EMB: variants seen among roughly 807,000 people sequenced by gnomAD.
EMB encodes embigin homolog.
In EMB, 31 loss-of-function variants were observed where a neutral mutation model predicts 41.4. The ratio of observed to expected loss-of-function variants is 0.75; its 90% CI spans 0.56 to 1.01. The LOEUF (loss-of-function observed/expected upper bound fraction) is 1.01, where lower values mean the gene tolerates loss of function less well. Among genes scored for constraint, EMB ranks in the 50% least tolerant of loss-of-function variants. The pLI is 0.00. For missense variants in EMB, 379 were observed against 388.3 expected (o/e 0.98, Z 0.20); for synonymous variants, 137 against 140.4 (o/e 0.98, Z 0.17).
chr5:50,425,660 G>T (rs543618341), intron 2 of EMB, among the ~76,000 whole-genome samples: 1 of 151,452 alleles, frequency 6.6e-6, no homozygotes, highest in Admixed American at 6.6e-5. Context: ...TTTCAGTCAA[G>T]TCAATTACTT....
At chr5:50,439,641 G>T (rs192638677) in intron 1 of EMB, among the ~76,000 whole-genome samples, 2 of 152,204 alleles carry the variant, frequency 1.3e-5, no homozygotes, top group African/African-American at 4.8e-5. Context: ...TTATGGAAAA[G>T]AGATGTGGCA....
chr5:50,436,005 G>A (rs576920209), intron 1 of EMB, among the ~76,000 whole-genome samples: 18 of 152,036 alleles, frequency 1.2e-4, no homozygotes, highest in African/African-American at 4.3e-4. Flanking sequence ...TCCCACACTA[G>A]CCCTGAAATC....
intron 2 of EMB, among the ~76,000 whole-genome samples, chr5:50,423,861 AACTGGCAGGAAAC>A (rs1745566487): frequency 6.6e-6 from 1 of 152,244 alleles, no homozygotes; most frequent in South Asian, 2.1e-4. Flanking sequence ...CATTATTTTT[AACTGGCAGGAAAC>A]ACTGGGAATC....
chr5:50,421,450 C>A (rs984689477), intron 2 of EMB, among the ~76,000 whole-genome samples: 1 of 152,054 alleles, frequency 6.6e-6, no homozygotes, highest in Non-Finnish European at 1.5e-5. Context: ...GTTGGTGGGA[C>A]TGTAAACTAG....
chr5:50,418,992 T>C (rs142032126), intron 2 of EMB, among the ~76,000 whole-genome samples: 124 of 152,310 alleles, frequency 8.1e-4, no homozygotes, highest in African/African-American at 3.0e-3. Context: ...AGCTCACAAA[T>C]ATCTAGAACA....
intron 2 of EMB, among the ~76,000 whole-genome samples, chr5:50,420,656 C>T (rs914002371): frequency 7.2e-5 from 11 of 152,206 alleles, no homozygotes; most frequent in Non-Finnish European, 1.5e-4. Context: ...GAAACATACA[C>T]TGTATGACAT....
chr5:50,402,229 TTA>T, intron 7 of EMB, 55 bp downstream of exon 7: 2 of 1,531,880 alleles, frequency 1.3e-6, no homozygotes, highest in South Asian at 1.1e-5. Flanking sequence ...TCATTCAATT[TTA>T]TGTTTCCCTG....
chr5:50,419,546 C>G (rs1300634132), intron 2 of EMB, among the ~76,000 whole-genome samples: 1 of 140,488 alleles, frequency 7.1e-6, no homozygotes, highest in Non-Finnish European at 1.5e-5. Flanking sequence ...TACACACACA[C>G]ATACACACAC....
At chr5:50,399,701 C>G (rs1745128723) in intron 8 of EMB, among the ~76,000 whole-genome samples, 158 bp downstream of exon 8, 1 of 151,838 alleles carries the variant, frequency 6.6e-6, no homozygotes, top group Admixed American at 6.6e-5. Context: ...TATAACTATA[C>G]TGTATATTTT....
intron 2 of EMB, among the ~76,000 whole-genome samples, chr5:50,424,704 C>T (rs539916293): frequency 1.9e-4 from 29 of 152,212 alleles, no homozygotes; most frequent in African/African-American, 6.3e-4. Flanking sequence ...GAATGTTTGA[C>T]AATATCTGGA....
intron 5 of EMB, 70 bp from the exon 6 acceptor site, chr5:50,403,524 T>G (rs568442215): frequency 1.3e-6 from 2 of 1,506,600 alleles, no homozygotes; most frequent in African/African-American, 1.4e-5. Context: ...AGTTTTTCAG[T>G]GAAAGCTATA....
chr5:50,433,369 T>C (rs1380177856), intron 1 of EMB, among the ~76,000 whole-genome samples: 3 of 152,166 alleles, frequency 2.0e-5, no homozygotes, highest in African/African-American at 7.2e-5. Context: ...TTGGCAATAA[T>C]ATACGTTTCA....
chr5:50,409,492 T>A (rs1284407685), intron 4 of EMB, among the ~76,000 whole-genome samples: 1 of 152,080 alleles, frequency 6.6e-6, no homozygotes, highest in East Asian at 1.9e-4. Flanking sequence ...ACATATTTTT[T>A]AAAAACTCAA....
intron 2 of EMB, among the ~76,000 whole-genome samples, chr5:50,425,402 G>A (rs1399561133): frequency 1.3e-5 from 2 of 151,926 alleles, no homozygotes; most frequent in Non-Finnish European, 1.5e-5. Context: ...TTAACAAGTT[G>A]GTCAAGGAAA....
intron 2 of EMB, among the ~76,000 whole-genome samples, chr5:50,426,702 G>A (rs1379726315): frequency 6.6e-6 from 1 of 151,990 alleles, no homozygotes; most frequent in African/African-American, 2.4e-5. Context: ...AGACAACAAT[G>A]AATAATGATA....
chr5:50,404,377 T>G (rs186842687), intron 5 of EMB, among the ~76,000 whole-genome samples: 1 of 151,928 alleles, frequency 6.6e-6, no homozygotes, highest in African/African-American at 2.4e-5. Flanking sequence ...AAGTACCATA[T>G]TTTTAATAAG....
intron 2 of EMB, among the ~76,000 whole-genome samples, chr5:50,424,614 G>T (rs1745580876): frequency 6.6e-6 from 1 of 152,168 alleles, no homozygotes; most frequent in Non-Finnish European, 1.5e-5. Context: ...ATAAGGGGAT[G>T]GGAAACATGC....
At chr5:50,441,000 C>G (rs1256102467) in intron 1 of EMB, 40 bp downstream of exon 1, 3 of 1,276,262 alleles carry the variant, frequency 2.4e-6, no homozygotes, top group Non-Finnish European at 3.0e-6. Flanking sequence ...GCCTCGCGCG[C>G]CCTCCGCCCT....
chr5:50,439,330 T>C (rs983291275), intron 1 of EMB, among the ~76,000 whole-genome samples: 3 of 152,136 alleles, frequency 2.0e-5, no homozygotes, highest in Admixed American at 2.0e-4. Flanking sequence ...TTCTTTTTTT[T>C]TGAGACAGTT....
Sources: allele counts gnomAD v4.1 joint callset (sites outside exome capture counted in the v4.1 genomes callset), GRCh38; gene constraint gnomAD v4.1.1; transcripts MANE v1.5; gene names NCBI Gene and HGNC (gene_info 2026-07-23, HGNC 2026-07-21).